Variants in BRDT observed in about 807,000 individuals in gnomAD.
BRDT encodes bromodomain testis-specific protein.
Under a neutral mutation model 113.9 loss-of-function variants are expected in BRDT, and 77 were observed. The observed-to-expected ratio is 0.68, with a 90% CI of 0.56 to 0.82. The LOEUF (loss-of-function observed/expected upper bound fraction) is 0.82, where lower values mean the gene tolerates loss of function less well. BRDT is among the 40% of genes least tolerant of loss of function. The pLI is 0.00. For synonymous variants in BRDT, 358 were observed against 366.5 expected, an observed-to-expected ratio of 0.98 and a Z score of 0.26; for missense variants, 1,027 against 1,105.4, an observed-to-expected ratio of 0.93 and a Z score of 1.01.
At chr1:91,981,472 T>C (rs1474495031) in intron 11 of BRDT, 91 bp downstream of exon 11, 15 of 1,502,552 alleles carry the variant, frequency 1.0e-5, no homozygotes, top group Non-Finnish European at 1.4e-5. Flanking sequence ...CTTGAACTCC[T>C]GGCCTCATGT....
In BRDT at chr1:91,980,624, A is replaced by AT. The variant is rs754886475; in HGVS notation, c.1288-11dup. On this transcript the variant is annotated intron_variant, in intron 8 of 18. Transcript: ENST00000399546. Reference sequence around the variant, plus strand: ...TATTTAGAGACATGAATGTTTACAGATTTTTTTTCTTTTATCAGCTTAAAG... The same window carrying AT: ...TATTTAGAGACATGAATGTTTACAGATTTTTTTTTCTTTTATCAGCTTAAAG... 1.5e-5 allele frequency: 22 copies of AT among 1,433,876 alleles called. No individual in the cohort carries two copies. Among genetic ancestry groups the AT allele is most frequent in the Admixed American group, 8.0e-5 (3 of 37,342 alleles). The allele number at this position is 1,433,876 out of a possible 1,614,324, so 88.8% of individuals were successfully genotyped here.
intron 1 of BRDT, among the ~76,000 whole-genome samples, chr1:91,961,133 A>T (rs898254488): frequency 6.6e-6 from 1 of 152,056 alleles, no homozygotes; most frequent in African/African-American, 2.4e-5. Flanking sequence ...CAATGTAGTG[A>T]AACCCTGCCT....
At chr1:91,990,849 G>A (rs1425020761) in intron 12 of BRDT, among the ~76,000 whole-genome samples, 1 of 152,152 alleles carries the variant, frequency 6.6e-6, no homozygotes, top group Admixed American at 6.5e-5. Context: ...CCAGCCTGGA[G>A]TGCAGTGGCG....
chr1:91,973,941 C>T (rs551887844), intron 4 of BRDT, among the ~76,000 whole-genome samples: 4 of 152,168 alleles, frequency 2.6e-5, no homozygotes, highest in East Asian at 3.9e-4. Flanking sequence ...AACAGAGATA[C>T]AGACCAATGG....
At chr1:91,979,444 T>C (rs2101665403) in intron 7 of BRDT, 125 bp from the exon 8 acceptor site, 3 of 933,872 alleles carry the variant, frequency 3.2e-6, no homozygotes, top group South Asian at 3.3e-5. Flanking sequence ...TCTTCTGATA[T>C]ATCTTAAAGG....
chr1:91,998,450 C>G (rs1236158141), intron 15 of BRDT, among the ~76,000 whole-genome samples: 3 of 152,118 alleles, frequency 2.0e-5, no homozygotes, highest in African/African-American at 7.2e-5. Flanking sequence ...GCACGTGTAA[C>G]AAACCTGCAC....
At chr1:91,959,046 C>CA (rs548764585) in intron 1 of BRDT, among the ~76,000 whole-genome samples, 26 of 150,776 alleles carry the variant, frequency 1.7e-4, no homozygotes, top group Non-Finnish European at 2.4e-4. Context: ...GACCCTGACT[C>CA]AAAAAAAAGT....
At chr1:91,968,305 C>T (rs771536534) in intron 4 of BRDT, 45 bp downstream of exon 4, 3 of 1,595,144 alleles carry the variant, frequency 1.9e-6, no homozygotes, top group Non-Finnish European at 2.6e-6. Flanking sequence ...TCTTTTTTTC[C>T]CCTATCTATC....
rs558658040 is a variant in BRDT, at chr1:91,968,330, A to G, written c.445+70A>G. 5.8e-6 allele frequency: 9 copies of G among 1,550,852 alleles called. No homozygotes were observed. The East Asian group carries it at 1.9e-4, about 33-fold the overall frequency. ...CCCTATCTATCTCATGTGTGTGTGT[A>G]AATCCCTCAAAGGAGACAGACATCC... On this transcript the variant is annotated intron_variant, in intron 4 of 18. Coordinates refer to ENST00000399546, the MANE Select transcript of BRDT (RefSeq NM_207189.4).
At chr1:91,964,856 T>G in intron 3 of BRDT, 92 bp downstream of exon 3, 5 of 994,500 alleles carry the variant, frequency 5.0e-6, no homozygotes, top group Non-Finnish European at 6.9e-6. Flanking sequence ...AGATTTCAAT[T>G]CTCTTCGTTT....
At chr1:91,999,317 G>A (rs1686629316) in intron 15 of BRDT, among the ~76,000 whole-genome samples, 2 of 152,112 alleles carry the variant, frequency 1.3e-5, no homozygotes, top group South Asian at 4.2e-4. Flanking sequence ...ATGAAGAATA[G>A]GCTTCTGAGG....
At chr1:91,958,304 C>T (rs1172732453) in intron 1 of BRDT, among the ~76,000 whole-genome samples, 2 of 146,186 alleles carry the variant, frequency 1.4e-5, no homozygotes, top group Non-Finnish European at 3.0e-5. Context: ...CAACCTTTGT[C>T]TCCAGGGTTC....
intron 13 of BRDT, 50 bp downstream of exon 13, chr1:91,991,295 A>G (rs1685729532): frequency 2.7e-6 from 3 of 1,098,328 alleles, no homozygotes; most frequent in South Asian, 1.6e-5. Context: ...TGTATAACTC[A>G]TGGGTATAGT....
chr1:91,996,353 A>C (rs1474417979), intron 15 of BRDT, among the ~76,000 whole-genome samples: 1 of 152,120 alleles, frequency 6.6e-6, no homozygotes, highest in Admixed American at 6.5e-5. Flanking sequence ...GGTTCAAGCA[A>C]TTCTCATGCC....
At chr1:91,956,855 C>T (rs187926829) in intron 1 of BRDT, among the ~76,000 whole-genome samples, 126 of 152,276 alleles carry the variant, frequency 8.3e-4, no homozygotes, top group African/African-American at 2.6e-3. Flanking sequence ...AGGAGGATTG[C>T]TTGCGCCCAG....
intron 16 of BRDT, among the ~76,000 whole-genome samples, chr1:92,003,559 A>T (rs1687033101): frequency 3.3e-5 from 5 of 152,134 alleles, no homozygotes; most frequent in Admixed American, 2.6e-4. Context: ...CTTTTAATTA[A>T]AATTTAAAAT....
At chr1:91,951,010 A>G (rs1422149391) in intron 1 of BRDT, among the ~76,000 whole-genome samples, 1 of 134,452 alleles carries the variant, frequency 7.4e-6, no homozygotes, top group Admixed American at 8.2e-5. Context: ...CCTGGATGAC[A>G]GTGAGACTCC....
chr1:91,976,208 A>T, intron 4 of BRDT, 58 bp from the exon 5 acceptor site: 1 of 1,437,088 alleles, frequency 7.0e-7, no homozygotes, highest in Non-Finnish European at 9.3e-7. Flanking sequence ...ATAAGACAGA[A>T]AGTGGTATTT....
intron 15 of BRDT, among the ~76,000 whole-genome samples, chr1:91,994,998 G>A (rs1395862910): frequency 6.6e-6 from 1 of 151,962 alleles, no homozygotes; most frequent in Non-Finnish European, 1.5e-5. Flanking sequence ...ACTTGCCTAA[G>A]GGTAGTTCCT....
Sources: allele counts gnomAD v4.1 joint callset (sites outside exome capture counted in the v4.1 genomes callset), GRCh38; gene constraint gnomAD v4.1.1; transcripts MANE v1.5; gene names NCBI Gene and HGNC (gene_info 2026-07-23, HGNC 2026-07-21).